The following DROSHA variants were observed in gnomAD, a reference collection of about 807,000 sequenced individuals.
DROSHA encodes the protein ribonuclease 3.
DROSHA carries 56 observed loss-of-function variants against 181.9 expected under a neutral mutation model. The observed-to-expected ratio is 0.31, with a 90% CI of 0.25 to 0.38. DROSHA has a LOEUF of 0.38. Among genes scored for constraint, DROSHA ranks in the 10% least tolerant of loss-of-function variants. The pLI is 1.00. For synonymous variants in DROSHA, 524 were observed against 591.2 expected, an observed-to-expected ratio of 0.89 and a Z score of 1.65; for missense variants, 1,218 against 1,743.5, an observed-to-expected ratio of 0.70 and a Z score of 5.37.
chr5:31,464,392 A>G (rs756242584), intron 19 of DROSHA, 49 bp from the exon 20 acceptor site: 2 of 1,536,718 alleles, frequency 1.3e-6, no homozygotes, highest in Non-Finnish European at 1.8e-6. Flanking sequence ...ATAAAGCAAT[A>G]GTAAGCCAAA....
At chr5:31,438,317 T>A (rs570223) in intron 23 of DROSHA, among the ~76,000 whole-genome samples, 115,480 of 152,128 alleles carry the variant, frequency 0.76, 43,952 homozygotes, top group African/African-American at 0.81. Flanking sequence ...AGAAGCACTG[T>A]GGAGAGGCTG....
In DROSHA at chr5:31,526,011, T is replaced by C. The variant is rs1477653415; in HGVS notation, c.854+68A>G. ...CTACTGGATCCTTTTGGTTTGGTTGTCATAAATGGAGAATGACCGTGCCTG... is the reference window on the plus strand; with the variant it reads ...CTACTGGATCCTTTTGGTTTGGTTGCCATAAATGGAGAATGACCGTGCCTG... On this transcript the variant is annotated intron_variant, in intron 5 of 35. Coordinates refer to ENST00000344624, the MANE Select transcript of DROSHA (RefSeq NM_001382508.1). 1.2e-5 allele frequency: 18 copies of C among 1,440,016 alleles called. No homozygotes were observed. The Admixed American group carries it at 1.8e-4, about 15-fold the overall frequency. The allele number at this position is 1,440,016 out of a possible 1,614,324, so 89.2% of individuals were successfully genotyped here.
At chr5:31,455,029 C>T (rs1561188914) in intron 20 of DROSHA, among the ~76,000 whole-genome samples, 1 of 147,114 alleles carries the variant, frequency 6.8e-6, no homozygotes, top group Non-Finnish European at 1.5e-5. Context: ...GAAGGATTAA[C>T]AAAAATTACA....
chr5:31,409,068 A>G lies in DROSHA; in HGVS notation c.3842T>C (p.Ile1281Thr). ...TLRTEGKEPD[I>T]PLYKTLQTVG... is the part of the protein sequence containing the mutation. ...AACAAGTACTTACTTGTACAGAGGAATGTCTGGCTCTTTTCCTTCTGTCCT... is the reference window on the plus strand; with the variant it reads ...AACAAGTACTTACTTGTACAGAGGAGTGTCTGGCTCTTTTCCTTCTGTCCT... Residue 1281 changes from isoleucine (I) to threonine (T), a missense_variant, in exon 33 of 36, where the codon ATT (isoleucine) becomes ACT (threonine). Transcript: ENST00000344624. The surrounding 1 kb of genome is among the most constrained non-coding windows in gnomAD (Gnocchi z 4.0). 1 of 1,613,780 alleles carries G rather than the reference A, an allele frequency of 6.2e-7. No individual in the cohort carries two copies. Among genetic ancestry groups the G allele is most frequent in the Non-Finnish European group, 8.5e-7 (1 of 1,179,760 alleles).
At chr5:31,463,528 T>C (rs1748647295) in intron 20 of DROSHA, among the ~76,000 whole-genome samples, 1 of 152,150 alleles carries the variant, frequency 6.6e-6, no homozygotes, top group African/African-American at 2.4e-5. Flanking sequence ...TACCTAACCA[T>C]AGCCTGAGTA....
intron 6 of DROSHA, among the ~76,000 whole-genome samples, chr5:31,517,917 A>C (rs1461664171): frequency 3.3e-5 from 5 of 152,196 alleles, no homozygotes. Flanking sequence ...CATTTTTAAT[A>C]ACTAAAAAAA....
intron 14 of DROSHA, among the ~76,000 whole-genome samples, chr5:31,485,660 A>T: frequency 7.1e-6 from 1 of 141,324 alleles, no homozygotes; most frequent in Admixed American, 7.2e-5. Flanking sequence ...ACCCTTCTAA[A>T]GCAGGAGAAT....
chr5:31,440,991 T>C (rs1232898613), intron 23 of DROSHA, among the ~76,000 whole-genome samples: 1 of 151,924 alleles, frequency 6.6e-6, no homozygotes, highest in Non-Finnish European at 1.5e-5. Context: ...GAAACACTGC[T>C]GGTCCCAAGC....
chr5:31,451,268 C>A (rs28404034), intron 21 of DROSHA, among the ~76,000 whole-genome samples: 3,017 of 152,112 alleles, frequency 0.02, 94 homozygotes, highest in African/African-American at 0.069. Context: ...GAAAGGAGAG[C>A]CATAAAGGAG....
At chr5:31,506,571 G>C (rs1372864641) in intron 10 of DROSHA, among the ~76,000 whole-genome samples, 1 of 151,746 alleles carries the variant, frequency 6.6e-6, no homozygotes, top group Admixed American at 6.6e-5. Flanking sequence ...ACAGCCACTG[G>C]GGAGGCTAAG....
intron 17 of DROSHA, among the ~76,000 whole-genome samples, chr5:31,469,915 T>G (rs1393100408): frequency 6.6e-6 from 1 of 152,216 alleles, no homozygotes; most frequent in Non-Finnish European, 1.5e-5. Flanking sequence ...GGCTTGAAAT[T>G]TTTAATAAAT....
intron 12 of DROSHA, among the ~76,000 whole-genome samples, chr5:31,493,937 T>C (rs10525070): frequency 0.022 from 3,112 of 144,634 alleles, 133 homozygotes; most frequent in East Asian, 0.023. Flanking sequence ...TAACCCACCA[T>C]TGTGTGTGTG....
intron 13 of DROSHA, 79 bp downstream of exon 13, chr5:31,493,128 G>A: frequency 7.2e-7 from 1 of 1,385,708 alleles, no homozygotes; most frequent in South Asian, 1.3e-5. Context: ...GCAGATGACA[G>A]GAAATGTTTT....
chr5:31,485,075 G>T, intron 14 of DROSHA, 113 bp from the exon 15 acceptor site: 2 of 686,514 alleles, frequency 2.9e-6, no homozygotes, highest in South Asian at 2.1e-5. Context: ...ACTATACTAA[G>T]ACCATATAGT....
At chr5:31,477,403 T>G (rs889106416) in intron 16 of DROSHA, among the ~76,000 whole-genome samples, 1 of 152,246 alleles carries the variant, frequency 6.6e-6, no homozygotes, top group African/African-American at 2.4e-5. Flanking sequence ...CTTCTGGATA[T>G]TCCTGCTGAG....
chr5:31,438,265 C>T (rs1009200056), intron 23 of DROSHA, among the ~76,000 whole-genome samples: 6 of 152,176 alleles, frequency 3.9e-5, no homozygotes, highest in African/African-American at 1.4e-4. Flanking sequence ...AGGTTTTCAA[C>T]AGGCCACACT....
chr5:31,446,355 G>A (rs1273024603), intron 23 of DROSHA, among the ~76,000 whole-genome samples: 2 of 150,292 alleles, frequency 1.3e-5, no homozygotes, highest in Non-Finnish European at 3.0e-5. Context: ...GCTGAGGCGG[G>A]AGAATGGCGT....
intron 8 of DROSHA, among the ~76,000 whole-genome samples, chr5:31,512,544 C>A (rs1738809128): frequency 6.6e-6 from 1 of 152,182 alleles, no homozygotes; most frequent in African/African-American, 2.4e-5. Flanking sequence ...TAGGCTGAGC[C>A]ACCAGCCCCT....
At chr5:31,458,046 A>C (rs1259553960) in intron 20 of DROSHA, among the ~76,000 whole-genome samples, 1 of 152,198 alleles carries the variant, frequency 6.6e-6, no homozygotes, top group Non-Finnish European at 1.5e-5. Flanking sequence ...CAAAGACAAA[A>C]ATGAACACAG....
Sources: gnomAD v4.1 joint callset for allele counts (sites outside exome capture counted in the v4.1 genomes callset) on GRCh38, gnomAD v4.1.1 for gene constraint, Gnocchi (gnomAD v3.1) non-coding constraint, MANE v1.5 for transcripts, NCBI Gene and HGNC (gene_info 2026-07-23, HGNC 2026-07-21) for gene names.